The following RSPH10B variants were observed in gnomAD, a reference collection of about 807,000 sequenced individuals.
The protein encoded by RSPH10B is radial spoke head 10 homolog B.
In RSPH10B, 7 loss-of-function variants were observed where a neutral mutation model predicts 52.5. The observed-to-expected ratio is 0.13, with a 90% CI of 0.08 to 0.25. The LOEUF is 0.25. Ranked by LOEUF, RSPH10B falls within the 10% of genes least tolerant of loss-of-function variation. The probability of loss-of-function intolerance (pLI) is 1.00; values close to 1 mark genes in which losing one functional copy is unlikely to be tolerated. For synonymous variants in RSPH10B, 28 were observed against 193.2 expected (o/e 0.14, Z 7.09); for missense variants, 89 against 542.5 (o/e 0.16, Z 8.30).
intron 12 of RSPH10B, among the ~76,000 whole-genome samples, 163 bp downstream of exon 14, chr7:5,943,748 G>A (rs531981735): frequency 6.6e-6 from 1 of 151,228 alleles, no homozygotes; most frequent in East Asian, 1.9e-4. Context: ...GTTTTGCCAT[G>A]TTGGCCAGGC....
At chr7:5,933,616 C>T (rs1391061058) in intron 16 of RSPH10B, among the ~76,000 whole-genome samples, 6 of 132,644 alleles carry the variant, frequency 4.5e-5, no homozygotes, top group African/African-American at 8.0e-5. Flanking sequence ...AAAAATTAGC[C>T]GGGCGTGGGG....
chr7:5,939,919 G>A (rs867556516), intron 13 of RSPH10B, among the ~76,000 whole-genome samples: 4 of 79,532 alleles, frequency 5.0e-5, no homozygotes, highest in East Asian at 2.8e-4. Flanking sequence ...ATGTGGGGCC[G>A]GGCGCGGTGG....
chr7:5,940,118 G>A (rs1330851261), intron 13 of RSPH10B, among the ~76,000 whole-genome samples: 3 of 119,896 alleles, frequency 2.5e-5, no homozygotes, highest in East Asian at 2.1e-4. Flanking sequence ...AATCACTTGA[G>A]CCCAGGAGGC....
chr7:5,957,779 G>C (rs1780776962), intron 6 of RSPH10B, 128 bp downstream of exon 8: 1 of 1,328,488 alleles, frequency 7.5e-7, no homozygotes, highest in Non-Finnish European at 9.8e-7. Context: ...CTGGGAGACA[G>C]ACAGAGAGAG....
chr7:5,942,928 T>TATA (rs1780281201), intron 13 of RSPH10B, among the ~76,000 whole-genome samples: 7 of 85,050 alleles, frequency 8.2e-5, no homozygotes, highest in African/African-American at 2.5e-4. Flanking sequence ...ATATATATAT[T>TATA]TTTTTTTAAG....
At chr7:5,942,858 G>A (rs1301589824) in intron 13 of RSPH10B, among the ~76,000 whole-genome samples, 78 of 147,554 alleles carry the variant, frequency 5.3e-4, no homozygotes, top group African/African-American at 1.7e-3. Flanking sequence ...GCAAAACTCC[G>A]TCTCAAAAAA....
intron 13 of RSPH10B, among the ~76,000 whole-genome samples, chr7:5,941,454 C>T (rs1039762878): frequency 6.8e-6 from 1 of 146,650 alleles, no homozygotes; most frequent in South Asian, 2.1e-4. Context: ...TTAAAAGTAC[C>T]ATGGAACAGG....
intron 17 of RSPH10B, among the ~76,000 whole-genome samples, chr7:5,929,196 G>A (rs1249913611): frequency 6.9e-6 from 1 of 144,212 alleles, no homozygotes; most frequent in East Asian, 2.4e-4. Flanking sequence ...AAGTATTACT[G>A]TGAGGCAAGA....
intron 11 of RSPH10B, among the ~76,000 whole-genome samples, chr7:5,944,207 G>A (rs1371383577): frequency 2.0e-5 from 3 of 151,080 alleles, no homozygotes; most frequent in Non-Finnish European, 2.9e-5. Context: ...GACCAGCCTG[G>A]CCAACATGGT....
At chr7:5,931,345 G>C (rs1468907781) in intron 17 of RSPH10B, among the ~76,000 whole-genome samples, 2 of 151,364 alleles carry the variant, frequency 1.3e-5, no homozygotes, top group African/African-American at 2.4e-5. Context: ...GATACACAGG[G>C]GAGGCCTTTG....
chr7:5,939,629 C>G (rs867571737), intron 13 of RSPH10B, among the ~76,000 whole-genome samples: 3 of 70,274 alleles, frequency 4.3e-5, no homozygotes, highest in South Asian at 1.4e-3. Context: ...CACACACACA[C>G]ACACACACGT....
intron 14 of RSPH10B, 94 bp downstream of exon 16, chr7:5,938,628 G>GA (rs1194387261): frequency 3.2e-3 from 201 of 63,522 alleles, no homozygotes; most frequent in South Asian, 5.4e-3. Context: ...ATGAAAAAAA[G>GA]AAAAAAAAAA....
chr7:5,968,893 A>C (rs1227262917), upstream of RSPH10B, among the ~76,000 whole-genome samples: 1 of 41,328 alleles, frequency 2.4e-5, no homozygotes, highest in East Asian at 1.5e-3. Flanking sequence ...GTTGGAATGC[A>C]GTGGCAGGAT....
At chr7:5,944,474 T>C (rs1392567117) in intron 11 of RSPH10B, among the ~76,000 whole-genome samples, 1 of 149,934 alleles carries the variant, frequency 6.7e-6, no homozygotes, top group Non-Finnish European at 1.5e-5. Flanking sequence ...AGACAAGAAA[T>C]TCTGACATAA....
chr7:5,941,444 T>C (rs563642217), intron 13 of RSPH10B, among the ~76,000 whole-genome samples: 51 of 145,238 alleles, frequency 3.5e-4, no homozygotes, highest in Non-Finnish European at 3.1e-5. Context: ...CAAGTACAAA[T>C]TAAAAGTACC....
At chr7:5,947,708 T>A (rs1465365761) in intron 10 of RSPH10B, among the ~76,000 whole-genome samples, 1 of 89,934 alleles carries the variant, frequency 1.1e-5, no homozygotes, top group African/African-American at 4.1e-5. Flanking sequence ...AGAGTGAAAC[T>A]CTGTCTCAAA....
Position 5,944,469 on chromosome 7 carries a change from A to C in RSPH10B, c.1530-479T>G, listed in dbSNP as rs369467360. ...AACCACTTTTGCTGTAAGAAAGACAAGAAATTCTGACATAAGAAAGAAGAC... is the reference window on the plus strand; with the variant it reads ...AACCACTTTTGCTGTAAGAAAGACACGAAATTCTGACATAAGAAAGAAGAC... On this transcript the variant is annotated intron_variant, in intron 11 of 18. Coordinates refer to ENST00000337579, the Ensembl canonical transcript of RSPH10B. 6.0e-5 allele frequency among the ~76,000 whole-genome samples: 9 copies of C among 150,208 alleles called. No individual in the cohort carries two copies. In the East Asian group the frequency reaches 1.7e-3, roughly 29 times the overall value.
At chr7:5,968,494 GGTTT>G, upstream of RSPH10B, among the ~76,000 whole-genome samples, 1 of 94,652 alleles carries the variant, frequency 1.1e-5, no homozygotes, top group African/African-American at 3.6e-5. Flanking sequence ...CAGTTCTATG[GGTTT>G]GTTTATTTAT....
chr7:5,940,133 G>A (rs913246672), intron 13 of RSPH10B, among the ~76,000 whole-genome samples: 2 of 118,980 alleles, frequency 1.7e-5, no homozygotes, highest in Non-Finnish European at 1.9e-5. Flanking sequence ...GGAGGCAGAG[G>A]TTGCAGTGAG....
Sources: gnomAD v4.1 joint callset for allele counts (sites outside exome capture counted in the v4.1 genomes callset) on GRCh38, gnomAD v4.1.1 for gene constraint, MANE v1.5 for transcripts, NCBI Gene and HGNC (gene_info 2026-07-23, HGNC 2026-07-21) for gene names.